The following TMEM132B variants were observed in gnomAD, a reference collection of about 807,000 sequenced individuals.
TMEM132B encodes the protein transmembrane protein 132B.
TMEM132B carries 18 observed loss-of-function variants against 90.8 expected under a neutral mutation model. The ratio of observed to expected loss-of-function variants is 0.20; its 90% CI spans 0.14 to 0.29. The LOEUF is 0.29. Ranked by LOEUF, TMEM132B falls within the 10% of genes least tolerant of loss-of-function variation. The pLI, the probability that TMEM132B is intolerant of heterozygous loss-of-function variation, is 1.00. For missense variants in TMEM132B, 1,096 were observed against 1,326.8 expected (o/e 0.83, Z 2.70); for synonymous variants, 504 against 523.3 (o/e 0.96, Z 0.50).
Position 125,644,027 on chromosome 12 carries a change from T to C in TMEM132B, c.1438-49T>C, listed in dbSNP as rs973056439. Reference sequence around the variant, plus strand: ...AACTTTCACTGTTGTTGTTTTTTCCTTGTGCTTTTCCTACTGATGCATCTC... The same window carrying C: ...AACTTTCACTGTTGTTGTTTTTTCCCTGTGCTTTTCCTACTGATGCATCTC... On this transcript the variant is annotated intron_variant, in intron 5 of 8. Transcript: ENST00000682704. 1.9e-6 allele frequency: 3 copies of C among 1,560,698 alleles called. No individual in the cohort carries two copies. In the African/African-American group the frequency reaches 4.1e-5, roughly 21 times the overall value.
At chr12:125,537,761 A>G (rs1489484677) in intron 4 of TMEM132B, among the ~76,000 whole-genome samples, 1 of 152,186 alleles carries the variant, frequency 6.6e-6, no homozygotes, top group Non-Finnish European at 1.5e-5. Flanking sequence ...GCTCCTCTAA[A>G]GCACAGAGTT....
intron 2 of TMEM132B, among the ~76,000 whole-genome samples, chr12:125,356,446 C>A (rs1175733581): frequency 3.3e-5 from 5 of 152,226 alleles, no homozygotes; most frequent in Non-Finnish European, 5.9e-5. Flanking sequence ...CCACCTTCCT[C>A]CTGGGTGTTC....
At chr12:125,510,820 T>A (rs762156286) in intron 3 of TMEM132B, among the ~76,000 whole-genome samples, 1 of 152,222 alleles carries the variant, frequency 6.6e-6, no homozygotes, top group Non-Finnish European at 1.5e-5. Flanking sequence ...TGCATATGTT[T>A]CTAATTTTTA....
chr12:125,212,869 A>G (rs1015070661), intron 1 of TMEM132B, among the ~76,000 whole-genome samples: 1 of 152,122 alleles, frequency 6.6e-6, no homozygotes, highest in Non-Finnish European at 1.5e-5. Context: ...TATATAACCT[A>G]TCATCGACAG....
intron 1 of TMEM132B, among the ~76,000 whole-genome samples, chr12:125,329,206 A>G (rs187006911): frequency 1.3e-5 from 2 of 152,314 alleles, no homozygotes; most frequent in Admixed American, 6.5e-5. Flanking sequence ...GCATGTCCAT[A>G]AGGAAGAAGG....
intron 3 of TMEM132B, among the ~76,000 whole-genome samples, chr12:125,515,588 C>T (rs1408742787): frequency 6.6e-6 from 1 of 151,536 alleles, no homozygotes; most frequent in African/African-American, 2.4e-5. Flanking sequence ...CACACATTCC[C>T]TCTCACACAC....
chr12:125,349,853 C>G lies in TMEM132B; in HGVS notation c.469C>G (p.Leu157Val). The G allele has an allele frequency of 6.2e-7, 1 of 1,614,058 alleles. No individual in the cohort carries two copies. The highest frequency in any genetic ancestry group is 8.5e-7 in the Non-Finnish European group (1 of 1,179,988). Residue 157 changes from leucine (L) to valine (V), a missense_variant, in exon 2 of 9, where the codon CTT becomes GTT. Coordinates refer to ENST00000682704, the MANE Select transcript of TMEM132B (RefSeq NM_001366854.1). The surrounding 1 kb of genome is among the most constrained non-coding windows in gnomAD (Gnocchi z 4.1). ...VTGMGWDDSD[L>V]TEDLPCVKMF... ...TGGCATGGGCTGGGATGACAGTGACCTTACGGAAGATCTACCCTGTGTCAA... is the reference window on the plus strand; with the variant it reads ...TGGCATGGGCTGGGATGACAGTGACGTTACGGAAGATCTACCCTGTGTCAA...
intron 4 of TMEM132B, among the ~76,000 whole-genome samples, chr12:125,561,292 T>A (rs1884520598): frequency 6.6e-6 from 1 of 151,632 alleles, no homozygotes. Context: ...AAACACCGCA[T>A]GTTCTCACTC....
intron 1 of TMEM132B, among the ~76,000 whole-genome samples, chr12:125,259,777 G>C (rs1008508636): frequency 6.6e-6 from 1 of 152,148 alleles, no homozygotes; most frequent in Non-Finnish European, 1.5e-5. Context: ...TTAATGCTGC[G>C]GTTAAGGTTT....
intron 1 of TMEM132B, among the ~76,000 whole-genome samples, chr12:125,343,677 C>T (rs541023126): frequency 3.3e-5 from 5 of 152,336 alleles, no homozygotes; most frequent in Admixed American, 2.6e-4. Flanking sequence ...TATTTTACAA[C>T]TGCTGTGATA....
Position 125,660,565 on chromosome 12 carries a change from C to T in TMEM132B, c.*5855C>T, listed in dbSNP as rs544834353. The stretch of plus-strand genomic sequence containing the variant: ...AATTTTTAAAAATACAAAAAAAAAG[C>T]GCAGAAACATTTTCATCTGGGTTAC... On this transcript the variant is annotated 3_prime_UTR_variant, in exon 9 of 9. Coordinates refer to ENST00000682704, the MANE Select transcript of TMEM132B (RefSeq NM_001366854.1). The T allele has an allele frequency of 1.5e-4, 23 of 151,108 alleles. No homozygotes were observed. The East Asian group carries it at 2.0e-3, about 13-fold the overall frequency. The allele number at this position is 151,108 out of a possible 1,614,324, so 9.4% of individuals were successfully genotyped here.
chr12:125,642,552 T>C (rs1324033624), intron 5 of TMEM132B, among the ~76,000 whole-genome samples: 4 of 152,212 alleles, frequency 2.6e-5, no homozygotes, highest in African/African-American at 7.2e-5. Flanking sequence ...ATCTTAGGCC[T>C]GGAAGGAAAA....
rs189957900 is a variant in TMEM132B, at chr12:125,459,169, C to T, written c.1106+43492C>T. Among the ~76,000 whole-genome samples the T allele has an allele frequency of 1.2e-3, 188 of 152,246 alleles. No individual in the cohort carries two copies. The highest frequency in any genetic ancestry group is 1.9e-3 in the Non-Finnish European group (129 of 68,016). On this transcript the variant is annotated intron_variant, in intron 3 of 8. Transcript: ENST00000682704. The surrounding 1 kb of genome is among the most constrained non-coding windows in gnomAD (Gnocchi z 4.1). Reference sequence around the variant, plus strand: ...TGTCCATGCCTGTGTGGTTTGAACACGAGGAGGGGCTGAAACTGGGGCAGC... The same window carrying T: ...TGTCCATGCCTGTGTGGTTTGAACATGAGGAGGGGCTGAAACTGGGGCAGC...
chr12:125,582,315 G>T (rs959483486), intron 4 of TMEM132B, among the ~76,000 whole-genome samples: 10 of 145,642 alleles, frequency 6.9e-5, no homozygotes, highest in Non-Finnish European at 1.5e-4. Context: ...ATTATTAAAG[G>T]TTGACTCCAT....
intron 3 of TMEM132B, among the ~76,000 whole-genome samples, chr12:125,515,421 A>T (rs1471964023): frequency 3.2e-5 from 4 of 125,874 alleles, no homozygotes; most frequent in Admixed American, 8.9e-5. Flanking sequence ...ACATTTGCTC[A>T]CACACTCTCA....
intron 5 of TMEM132B, among the ~76,000 whole-genome samples, chr12:125,592,048 T>C (rs1885329368): frequency 6.6e-6 from 1 of 152,226 alleles, no homozygotes; most frequent in Non-Finnish European, 1.5e-5. Context: ...CAGAGATATC[T>C]TCTGGGAGGA....
At chr12:125,363,060 T>C (rs1878012273) in intron 2 of TMEM132B, among the ~76,000 whole-genome samples, 1 of 152,172 alleles carries the variant, frequency 6.6e-6, no homozygotes, top group African/African-American at 2.4e-5. Context: ...GCCTGCCACG[T>C]TGAACACAAA....
chr12:125,394,364 G>A (rs1327243478), intron 2 of TMEM132B, among the ~76,000 whole-genome samples: 1 of 152,162 alleles, frequency 6.6e-6, no homozygotes, highest in African/African-American at 2.4e-5. Context: ...GGTGGGCAGC[G>A]ACAGCTTGGG....
Position 125,186,683 on chromosome 12 carries a change from G to C in TMEM132B, c.-117G>C, listed in dbSNP as rs1352581485. On this transcript the variant is annotated 5_prime_UTR_variant, in exon 1 of 9. Coordinates refer to ENST00000682704, the MANE Select transcript of TMEM132B (RefSeq NM_001366854.1). This position sits in a 1 kb window ranked among gnomAD's most constrained non-coding sequence, Gnocchi z 6.3. ...CGTCTGGGGAGGAGCGGCGCGCTGG[G>C]AGCGAGCCATGCCCGGCGCCCGGGC... 1.4e-5 allele frequency among the ~76,000 whole-genome samples: 2 copies of C among 146,532 alleles called. No individual in the cohort carries two copies. Among genetic ancestry groups the C allele is most frequent in the Non-Finnish European group, 3.0e-5 (2 of 65,908 alleles).
Sources: gnomAD v4.1 joint callset for allele counts (sites outside exome capture counted in the v4.1 genomes callset) on GRCh38, gnomAD v4.1.1 for gene constraint, Gnocchi (gnomAD v3.1) non-coding constraint, MANE v1.5 for transcripts, NCBI Gene and HGNC (gene_info 2026-07-23, HGNC 2026-07-21) for gene names.